ACOX3: variants seen among roughly 807,000 people sequenced by gnomAD.
ACOX3 encodes the protein peroxisomal acyl-coenzyme A oxidase 3.
ACOX3 carries 73 observed loss-of-function variants against 81.5 expected under a neutral mutation model. The ratio of observed to expected loss-of-function variants is 0.90; its 90% CI spans 0.74 to 1.09. ACOX3 has a LOEUF of 1.09. Among genes scored for constraint, ACOX3 ranks in the 50% least tolerant of loss-of-function variants. ACOX3 has a pLI of 0.00. For synonymous variants in ACOX3, 387 were observed against 375.1 expected (o/e 1.03, Z -0.37); for missense variants, 947 against 928.0 (o/e 1.02, Z -0.27).
At chr4:8,372,402 T>A (rs751776691) in intron 16 of ACOX3, among the ~76,000 whole-genome samples, 2 of 152,154 alleles carry the variant, frequency 1.3e-5, no homozygotes, top group Non-Finnish European at 2.9e-5. Context: ...ACCCGGACAC[T>A]TTTTATCAAC....
At chr4:8,374,010 G>C in intron 15 of ACOX3, 1 of 249,616 alleles carries the variant, frequency 4.0e-6, no homozygotes, top group Non-Finnish European at 7.8e-6. Flanking sequence ...GCATGGCAGG[G>C]GGCGCAGGGG....
intron 11 of ACOX3, among the ~76,000 whole-genome samples, chr4:8,390,102 C>CAAAA (rs773204173): frequency 1.8e-4 from 15 of 84,140 alleles, no homozygotes; most frequent in African/African-American, 9.7e-4. Flanking sequence ...GACCCTGTCT[C>CAAAA]AACAACAACA....
At chr4:8,373,961 A>C (rs922181931) in intron 15 of ACOX3, 6 of 369,924 alleles carry the variant, frequency 1.6e-5, no homozygotes, top group Admixed American at 4.1e-5. Flanking sequence ...CCTCGGGAGA[A>C]AGTGAGGAAG....
chr4:8,375,197 C>T (rs1716781653), intron 14 of ACOX3, 45 bp from the exon 15 acceptor site: 2 of 1,482,310 alleles, frequency 1.3e-6, no homozygotes, highest in Non-Finnish European at 9.0e-7. Context: ...GGTCCCAGCC[C>T]CGCCCAGATT....
Position 8,414,759 on chromosome 4 carries a change from TG to T in ACOX3, c.453+94del. On this transcript the variant is annotated intron_variant, in intron 4 of 17. Transcript: ENST00000356406. The surrounding 1 kb of genome is among the most constrained non-coding windows in gnomAD (Gnocchi z 6.1). Reference sequence around the variant, plus strand: ...GGAAACAAGAAGAGCATAAGCCCCCTGGGCACCCCCTTCTACAATCTTCTCT... The same window carrying T: ...GGAAACAAGAAGAGCATAAGCCCCCTGGCACCCCCTTCTACAATCTTCTCT... 7.8e-7 allele frequency: 1 copy of T among 1,278,666 alleles called. No homozygotes were observed. Among genetic ancestry groups the T allele is most frequent in the Non-Finnish European group, 1.1e-6 (1 of 879,550 alleles). The allele number at this position is 1,278,666 out of a possible 1,614,324, so 79.2% of individuals were successfully genotyped here.
chr4:8,390,557 G>C (rs1187979070), intron 11 of ACOX3, among the ~76,000 whole-genome samples: 1 of 152,212 alleles, frequency 6.6e-6, no homozygotes, highest in African/African-American at 2.4e-5. Context: ...TTTTAACACA[G>C]GAAATTTCAA....
intron 8 of ACOX3, among the ~76,000 whole-genome samples, chr4:8,398,491 T>C (rs1000616231): frequency 1.3e-5 from 2 of 152,152 alleles, no homozygotes; most frequent in Admixed American, 6.5e-5. Context: ...CTTTCTTTCC[T>C]TCTCTTTTGA....
rs1456334215 is a variant in ACOX3, at chr4:8,419,587, C to T, written c.-14-3052G>A. 6.6e-6 allele frequency among the ~76,000 whole-genome samples: 1 copy of T among 152,144 alleles called. No individual in the cohort carries two copies. The highest frequency in any genetic ancestry group is 1.5e-5 in the Non-Finnish European group (1 of 68,032). ...TGTGGCAGTTCCACAAGTGATTAAA[C>T]ATGGAGTGACCACATGACTCAGCAA... On this transcript the variant is annotated intron_variant, in intron 1 of 17. Transcript: ENST00000356406. The surrounding 1 kb of genome is among the most constrained non-coding windows in gnomAD (Gnocchi z 4.2).
rs1306766185 is a variant in ACOX3 at position 8,370,488 on chromosome 4, G to C, written c.1983+420C>G. 6.6e-6 allele frequency among the ~76,000 whole-genome samples: 1 copy of C among 151,998 alleles called. No homozygotes were observed. Among genetic ancestry groups the C allele is most frequent in the East Asian group, 1.9e-4 (1 of 5,152 alleles). On this transcript the variant is annotated intron_variant, in intron 17 of 17. Transcript: ENST00000356406. This position sits in a 1 kb window ranked among gnomAD's most constrained non-coding sequence, Gnocchi z 6.3. The stretch of plus-strand genomic sequence containing the variant: ...CCGGTGACAACCATGGATGGTCAGA[G>C]GGGACAGAGGGGCCTGGGGATTCCA...
At position 8,400,449 on chromosome 4, in the gene ACOX3, T is replaced by C. The variant is rs1163261381; in HGVS notation, c.777-797A>G. 6.6e-6 allele frequency among the ~76,000 whole-genome samples: 1 copy of C among 152,122 alleles called. No homozygotes were observed. The highest frequency in any genetic ancestry group is 1.5e-5 in the Non-Finnish European group (1 of 68,028). ...ATATTGGCAAAATGAGGTTTAAAAC[T>C]CTTCAGTCAAACAAAATAACTGGTG... On this transcript the variant is annotated intron_variant, in intron 7 of 17. Transcript: ENST00000356406. The surrounding 1 kb of genome is among the most constrained non-coding windows in gnomAD (Gnocchi z 4.4).
chr4:8,375,841 A>G (rs1445216408), intron 14 of ACOX3, among the ~76,000 whole-genome samples: 1 of 152,234 alleles, frequency 6.6e-6, no homozygotes, highest in Admixed American at 6.5e-5. Flanking sequence ...TGCAAAAGAC[A>G]TGACTGTTCG....
intron 11 of ACOX3, among the ~76,000 whole-genome samples, chr4:8,391,585 A>G (rs6814163): frequency 0.13 from 19,083 of 152,282 alleles, 1,960 homozygotes; most frequent in African/African-American, 0.28. Flanking sequence ...TAATAATAAC[A>G]GCATTAGCAA....
In ACOX3 at chr4:8,425,833, G is replaced by A. The variant is rs1428855548; in HGVS notation, c.-14-9298C>T. 2.6e-5 allele frequency among the ~76,000 whole-genome samples: 4 copies of A among 151,996 alleles called. No individual in the cohort carries two copies. The East Asian group carries it at 5.8e-4, about 22-fold the overall frequency. On this transcript the variant is annotated intron_variant, in intron 1 of 17. Coordinates refer to ENST00000356406, the MANE Select transcript of ACOX3 (RefSeq NM_003501.3). ...TCCCTGAGACTTACAGAGTGACAATGGCCCCGCTTTCAAGGCTGCAGTAAC... is the reference window on the plus strand; with the variant it reads ...TCCCTGAGACTTACAGAGTGACAATAGCCCCGCTTTCAAGGCTGCAGTAAC...
In ACOX3 at chr4:8,389,946, A is replaced by T. The variant is rs914075697; in HGVS notation, c.1301-212T>A. ...ATGGTGAAACCCACCTCTACTAAAA[A>T]TACAAAAATAGCCAGGTGTGGTGGT... On this transcript the variant is annotated intron_variant, in intron 11 of 17. Transcript: ENST00000356406. The surrounding 1 kb of genome is among the most constrained non-coding windows in gnomAD (Gnocchi z 5.3). Among the ~76,000 whole-genome samples the T allele has an allele frequency of 2.0e-5, 3 of 152,018 alleles. No individual in the cohort carries two copies. Among genetic ancestry groups the T allele is most frequent in the Non-Finnish European group, 4.4e-5 (3 of 68,004 alleles).
At chr4:8,373,389 C>T (rs547398651) in intron 16 of ACOX3, among the ~76,000 whole-genome samples, 172 bp downstream of exon 16, 81 of 145,964 alleles carry the variant, frequency 5.5e-4, no homozygotes, top group Non-Finnish European at 1.0e-3. Context: ...GGGTGCGTGT[C>T]GGTCTGGGTA....
In ACOX3 at chr4:8,394,987, C is replaced by T. The variant is rs542086016; in HGVS notation, c.1057-245G>A. The T allele has an allele frequency of 1.8e-5, 7 of 389,396 alleles. No individual in the cohort carries two copies. The highest frequency in any genetic ancestry group is 1.1e-4 in the South Asian group (4 of 35,308). 24.1% of individuals were successfully genotyped at this position (389,396 alleles called of 1,614,324 possible). Reference sequence around the variant, plus strand: ...GCTCAAACGCAATTCGCTAAATGGCCGCTATTCACAGCTGTCCCATCAAAG... The same window carrying T: ...GCTCAAACGCAATTCGCTAAATGGCTGCTATTCACAGCTGTCCCATCAAAG... On this transcript the variant is annotated intron_variant, in intron 9 of 17. Transcript: ENST00000356406. This position sits in a 1 kb window ranked among gnomAD's most constrained non-coding sequence, Gnocchi z 5.9.
chr4:8,376,441 T>C (rs1161289248), intron 14 of ACOX3, among the ~76,000 whole-genome samples: 1 of 151,994 alleles, frequency 6.6e-6, no homozygotes, highest in African/African-American at 2.4e-5. Context: ...CCTATGACGC[T>C]GCTATGACGC....
intron 6 of ACOX3, among the ~76,000 whole-genome samples, chr4:8,408,955 T>G: frequency 1.5e-5 from 2 of 133,422 alleles, no homozygotes; most frequent in Non-Finnish European, 1.5e-5. Context: ...ACAGCATCAG[T>G]ATGGAGTTAA....
rs1723890897 is a variant in ACOX3 at position 8,430,419 on chromosome 4, C to T, written c.-15+10229G>A. On this transcript the variant is annotated intron_variant, in intron 1 of 17. Coordinates refer to ENST00000356406, the MANE Select transcript of ACOX3 (RefSeq NM_003501.3). The surrounding 1 kb of genome is among the most constrained non-coding windows in gnomAD (Gnocchi z 5.2). Reference sequence around the variant, plus strand: ...TCATGGTCTAATAAAAAATACACACCACTGTTTTTCAAATGTTTGGAGATA... The same window carrying T: ...TCATGGTCTAATAAAAAATACACACTACTGTTTTTCAAATGTTTGGAGATA... Among the ~76,000 whole-genome samples, 2 of 152,174 alleles carry T rather than the reference C, an allele frequency of 1.3e-5. No individual in the cohort carries two copies. Among genetic ancestry groups the T allele is most frequent in the Admixed American group, 6.5e-5 (1 of 15,278 alleles).
Sources: gnomAD v4.1 joint callset for allele counts (sites outside exome capture counted in the v4.1 genomes callset) on GRCh38, gnomAD v4.1.1 for gene constraint, Gnocchi (gnomAD v3.1) non-coding constraint, MANE v1.5 for transcripts, NCBI Gene and HGNC (gene_info 2026-07-23, HGNC 2026-07-21) for gene names.